The following MICA variants were observed in gnomAD, a reference collection of about 807,000 sequenced individuals.
MICA encodes the protein HLA class I antigen.
MICA carries 18 observed loss-of-function variants against 34.3 expected under a neutral mutation model. That is an observed-to-expected ratio of 0.52 (90% CI 0.36 to 0.78). MICA has a LOEUF of 0.78. Among genes scored for constraint, MICA ranks in the 30% least tolerant of loss-of-function variants. MICA has a pLI of 0.00. For synonymous variants in MICA, 135 were observed against 156.9 expected, an observed-to-expected ratio of 0.86 and a Z score of 1.04; for missense variants, 333 against 409.4, an observed-to-expected ratio of 0.81 and a Z score of 1.61.
chr6:31,414,883 G>A, intron 5 of MICA, 129 bp from the exon 6 acceptor site: 2 of 696,476 alleles, frequency 2.9e-6, no homozygotes, highest in Non-Finnish European at 2.4e-6. Context: ...AGAAAAAAGT[G>A]GGGGCCTCAT....
rs1160431046 is a variant in MICA at position 31,405,980 on chromosome 6, CTTTGAATAG to C, written c.70+2280_70+2288del. Among the ~76,000 whole-genome samples the C allele has an allele frequency of 2.1e-4, 32 of 151,916 alleles. 2 individuals carry two copies. The highest frequency in any genetic ancestry group is 2.1e-3 in the Admixed American group (32 of 15,196). On this transcript the variant is annotated intron_variant, in intron 1 of 5. Coordinates refer to ENST00000449934, the MANE Select transcript of MICA (RefSeq NM_001177519.3). ...TTAGATTGCTTGCAGATCTTGGCTA[CTTTGAATAG>C]TGCTGCAATAAACATGGAAAAGTAG...
chr6:31,403,523 C>T, upstream of MICA: 1 of 863,888 alleles, frequency 1.2e-6, no homozygotes, highest in Non-Finnish European at 1.7e-6. This position sits in a 1 kb window ranked among gnomAD's most constrained non-coding sequence, Gnocchi z 4.7. Flanking sequence ...GTTCCGGGCC[C>T]CAGTTTCATT....
rs1771035964 is a variant in MICA at position 31,410,445 on chromosome 6, C to G, written c.71-98C>G. 61 of 1,292,936 alleles carry G rather than the reference C, an allele frequency of 4.7e-5. 1 individual carries two copies. In the South Asian group the frequency reaches 8.5e-4, roughly 18 times the overall value. The allele number at this position is 1,292,936 out of a possible 1,614,324, so 80.1% of individuals were successfully genotyped here. On this transcript the variant is annotated intron_variant, in intron 1 of 5. Coordinates refer to ENST00000449934, the MANE Select transcript of MICA (RefSeq NM_001177519.3). ...CTTGTCCCTTTGCCCGTGTGCATTT[C>G]CTGCCCCAGGAAGGTTGGGACAGCA...
chr6:31,413,986 T>C (rs1414218350), intron 5 of MICA, among the ~76,000 whole-genome samples: 1 of 152,068 alleles, frequency 6.6e-6, no homozygotes, highest in Non-Finnish European at 1.5e-5. Context: ...GGAACACAAA[T>C]TTCTCAAAAT....
chr6:31,412,852 A>G (rs114495987), intron 5 of MICA, among the ~76,000 whole-genome samples: 5,436 of 151,932 alleles, frequency 0.036, 151 homozygotes, highest in East Asian at 0.055. Context: ...TAGTAAAGGC[A>G]GCTGTGATCT....
intron 1 of MICA, among the ~76,000 whole-genome samples, chr6:31,406,519 G>A (rs1439496547): frequency 6.6e-6 from 1 of 151,444 alleles, no homozygotes; most frequent in African/African-American, 2.4e-5. Flanking sequence ...TCTTCATTTT[G>A]TTTATTGTTT....
chr6:31,409,309 C>CTGTGTGTGTGTG (rs35508435), intron 1 of MICA, among the ~76,000 whole-genome samples: 96 of 149,686 alleles, frequency 6.4e-4, no homozygotes, highest in Non-Finnish European at 8.8e-4. Flanking sequence ...CAACCTTGCT[C>CTGTGTGTGTGTG]TGTGTGTGTG....
At chr6:31,413,790 C>T (rs1771347014) in intron 5 of MICA, among the ~76,000 whole-genome samples, 1 of 151,922 alleles carries the variant, frequency 6.6e-6, no homozygotes, top group South Asian at 2.1e-4. Flanking sequence ...TTCTGGTTCC[C>T]TGTGGGCAGG....
chr6:31,412,366 G>A lies in MICA; in HGVS notation c.934G>A (p.Val312Ile). 1 of 1,524,152 alleles carries A rather than the reference G, an allele frequency of 6.6e-7. No homozygotes were observed. The highest frequency in any genetic ancestry group is 8.7e-7 in the Non-Finnish European group (1 of 1,148,200). The allele number at this position is 1,524,152 out of a possible 1,614,324, so 94.4% of individuals were successfully genotyped here. A position where few individuals can be genotyped will look rare whatever the true frequency, so the allele number is the denominator to read the frequency against. Residue 312 changes from valine (V) to isoleucine (I), a missense_variant, in exon 5 of 6, where the codon GTT becomes ATT. Transcript: ENST00000449934. ...VLQSHWQTFHVSAVAAGCCYF... is the reference protein window; with the variant it reads ...VLQSHWQTFHISAVAAGCCYF... ...TCAGAGTCATTGGCAGACATTCCAT[G>A]TTTCTGCTGTTGCTGCTGGCTGCTG...
At chr6:31,404,403 T>G (rs1770634202) in intron 1 of MICA, among the ~76,000 whole-genome samples, 1 of 151,628 alleles carries the variant, frequency 6.6e-6, no homozygotes, top group African/African-American at 2.4e-5. Context: ...GGACACCAGA[T>G]TCCCTCTCAC....
At chr6:31,414,519 G>T (rs1426242592) in intron 5 of MICA, among the ~76,000 whole-genome samples, 1 of 152,010 alleles carries the variant, frequency 6.6e-6, no homozygotes, top group Non-Finnish European at 1.5e-5. Flanking sequence ...TTCCTGATGG[G>T]GTCCCCAGTT....
chr6:31,409,270 C>T (rs6910087), intron 1 of MICA, among the ~76,000 whole-genome samples: 29,662 of 149,536 alleles, frequency 0.2, 3,697 homozygotes, highest in African/African-American at 0.28. Flanking sequence ...AAGCAGTACA[C>T]AGGGGCTTCA....
intron 1 of MICA, among the ~76,000 whole-genome samples, chr6:31,409,637 T>C (rs780237355): frequency 2.0e-5 from 3 of 151,874 alleles, no homozygotes; most frequent in Non-Finnish European, 4.4e-5. Flanking sequence ...TGTCAGTTCT[T>C]TCTATTCTAT....
upstream of MICA, chr6:31,403,441 C>G (rs1770556095): frequency 3.8e-6 from 2 of 526,320 alleles, no homozygotes; most frequent in South Asian, 5.6e-5. The surrounding 1 kb of genome is among the most constrained non-coding windows in gnomAD (Gnocchi z 4.7). Flanking sequence ...CTAAATCTCC[C>G]CAGGTCTCCA....
In MICA at chr6:31,410,806, C is replaced by A; in HGVS notation, c.325+9C>A. 1.3e-6 allele frequency: 2 copies of A among 1,554,978 alleles called. No homozygotes were observed. Among genetic ancestry groups the A allele is most frequent in the South Asian group, 2.4e-5 (2 of 84,654 alleles). On this transcript the variant is annotated intron_variant, in intron 2 of 5. Transcript: ENST00000449934. ...CAAGGACCAGAAAGAAGGTGAGAGT[C>A]GGCAGGGGCAAGAGTGACTGGAGAG...
In MICA at chr6:31,411,444, C is replaced by A; in HGVS notation, c.613+85C>A. ...CCCAGATGTGTCCAGGGAAACCCTC[C>A]CTGTGCTATGGATGAAGGCATTTCC... On this transcript the variant is annotated intron_variant, in intron 3 of 5. Transcript: ENST00000449934. This position sits in a 1 kb window ranked among gnomAD's most constrained non-coding sequence, Gnocchi z 4.3. The A allele has an allele frequency of 7.5e-7, 1 of 1,328,364 alleles. No individual in the cohort carries two copies. The highest frequency in any genetic ancestry group is 1.0e-6 in the Non-Finnish European group (1 of 984,526). 82.3% of individuals were successfully genotyped at this position (1,328,364 alleles called of 1,614,324 possible). A position where few individuals can be genotyped will look rare whatever the true frequency, so the allele number is the denominator to read the frequency against.
intron 5 of MICA, among the ~76,000 whole-genome samples, chr6:31,413,857 G>A (rs555640966): frequency 1.3e-5 from 2 of 152,008 alleles, no homozygotes; most frequent in African/African-American, 4.8e-5. Context: ...TGAAGTTCAT[G>A]TGCCAGTTTC....
At chr6:31,410,327 A>T (rs1771028009) in intron 1 of MICA, among the ~76,000 whole-genome samples, 1 of 151,812 alleles carries the variant, frequency 6.6e-6, no homozygotes. Context: ...CTGGCCTACA[A>T]GTTTGCCATC....
rs752018470 is a variant in MICA at position 31,411,971 on chromosome 6, G to T, written c.638G>T (p.Arg213Leu). The T allele has an allele frequency of 5.0e-6, 8 of 1,612,926 alleles. No individual in the cohort carries two copies. Among genetic ancestry groups the T allele is most frequent in the South Asian group, 3.3e-5 (3 of 91,026 alleles). The change falls in exon 4 of 6, where the codon CGC becomes CTC. Residue 213 changes from arginine (R) to leucine (L), a missense_variant. By Grantham distance (102) the Arg-to-Leu change is moderately radical. Transcript: ENST00000449934. This position sits in a 1 kb window ranked among gnomAD's most constrained non-coding sequence, Gnocchi z 4.3. ...GTGCCCCCCATGGTGAATGTCACCC[G>T]CAGCGAGGCCTCAGAGGGCAACATC... ...RTVPPMVNVTRSEASEGNITV... is the reference protein window; with the variant it reads ...RTVPPMVNVTLSEASEGNITV...
Sources: gnomAD v4.1 joint callset for allele counts (sites outside exome capture counted in the v4.1 genomes callset) on GRCh38, gnomAD v4.1.1 for gene constraint, Gnocchi (gnomAD v3.1) non-coding constraint, MANE v1.5 for transcripts, NCBI Gene and HGNC (gene_info 2026-07-23, HGNC 2026-07-21) for gene names.